CHP2: variants seen among roughly 807,000 people sequenced by gnomAD.
The protein encoded by CHP2 is calcineurin like EF-hand protein 2.
In CHP2, 31 loss-of-function variants were observed where a neutral mutation model predicts 24.7. The ratio of observed to expected loss-of-function variants is 1.26; its 90% CI spans 0.94 to 1.69. CHP2 has a LOEUF of 1.69. Ranked by LOEUF, CHP2 falls within the 40% of genes most tolerant of loss-of-function variation. CHP2 has a pLI of 0.00. For synonymous variants in CHP2, 97 were observed against 99.1 expected (o/e 0.98, Z 0.13); for missense variants, 319 against 261.5 (o/e 1.22, Z -1.52).
rs1961245536 is a variant in CHP2 at position 23,757,607 on chromosome 16, TC to T, written c.*26del. On this transcript the variant is annotated 3_prime_UTR_variant, in exon 7 of 7. Transcript: ENST00000300113. ...GACTCCGTTTGTGCCTTGGGCTTGC[TC>T]CTGCAACCAGTATCTCCTTGGAATT... The T allele has an allele frequency of 6.2e-7, 1 of 1,608,306 alleles. No individual in the cohort carries two copies. The highest frequency in any genetic ancestry group is 1.1e-5 in the South Asian group (1 of 90,948).
At position 23,757,721 on chromosome 16, in the gene CHP2, G is replaced by T; in HGVS notation, c.*138G>T. The stretch of plus-strand genomic sequence containing the variant: ...CTCTATTTAGGGCCAAGAGAAGAAA[G>T]CTGGAAGGATGTGTACTAAAGTCTA... On this transcript the variant is annotated 3_prime_UTR_variant, in exon 7 of 7. Coordinates refer to ENST00000300113, the MANE Select transcript of CHP2 (RefSeq NM_022097.4). The T allele has an allele frequency of 1.2e-6, 1 of 825,918 alleles. No individual in the cohort carries two copies. The highest frequency in any genetic ancestry group is 1.4e-5 in the South Asian group (1 of 70,662). The allele number at this position is 825,918 out of a possible 1,614,324, so 51.2% of individuals were successfully genotyped here. A position where few individuals can be genotyped will look rare whatever the true frequency, so the allele number is the denominator to read the frequency against.
intron 6 of CHP2, 79 bp from the exon 7 acceptor site, chr16:23,757,451 G>T (rs1402478879): frequency 6.3e-7 from 1 of 1,583,506 alleles, no homozygotes; most frequent in Non-Finnish European, 8.7e-7. Context: ...TCTGGAATGG[G>T]TAGAACCCTG....
Position 23,757,643 on chromosome 16 carries a change from C to G in CHP2, c.*60C>G, listed in dbSNP as rs534098372. On this transcript the variant is annotated 3_prime_UTR_variant, in exon 7 of 7. Coordinates refer to ENST00000300113, the MANE Select transcript of CHP2 (RefSeq NM_022097.4). ...GTATCTCCTTGGAATTCATCCAAAGCCCCCATGGACGCATGGACGCAGGGC... is the reference window on the plus strand; with the variant it reads ...GTATCTCCTTGGAATTCATCCAAAGGCCCCATGGACGCATGGACGCAGGGC... 1.4e-6 allele frequency: 2 copies of G among 1,411,020 alleles called. No homozygotes were observed. Among genetic ancestry groups the G allele is most frequent in the African/African-American group, 2.8e-5 (2 of 70,846 alleles). 87.4% of individuals were successfully genotyped at this position (1,411,020 alleles called of 1,614,324 possible).
rs1048080149 is a variant in CHP2, at chr16:23,755,919, C to T, written c.213C>T (p.Phe71=). The T allele has an allele frequency of 2.5e-5, 40 of 1,614,088 alleles. No individual in the cohort carries two copies. The highest frequency in any genetic ancestry group is 3.2e-5 in the Non-Finnish European group (38 of 1,180,052). Residue 71 remains phenylalanine, a synonymous_variant, in exon 3 of 7, where the codon TTC becomes TTT. Coordinates refer to ENST00000300113, the MANE Select transcript of CHP2 (RefSeq NM_022097.4). ...PLGDRIIESF[F]PDGSQRVDFP... ...GAGACCGAATTATAGAAAGCTTCTT[C>T]CCCGATGGGTGAGGCTTGCTGGGCG... is the stretch of plus-strand genomic sequence containing the variant.
Position 23,756,392 on chromosome 16 carries a change from A to G in CHP2, c.357A>G (p.Ala119=). ...LNSRRNKLHY[A]FQLYDLDRDG... The stretch of plus-strand genomic sequence containing the variant: ...CCCCTCCCACCCTCTCCCCAGATGC[A>G]TTTCAGCTCTATGACCTGGATCGCG... Residue 119 remains alanine, a synonymous_variant, in exon 5 of 7, where the codon GCA becomes GCG. Transcript: ENST00000300113. 1 of 1,613,620 alleles carries G rather than the reference A, an allele frequency of 6.2e-7. No individual in the cohort carries two copies. The highest frequency in any genetic ancestry group is 8.5e-7 in the Non-Finnish European group (1 of 1,179,716).
intron 5 of CHP2, 74 bp from the exon 6 acceptor site, chr16:23,757,127 G>T (rs1961236052): frequency 6.4e-7 from 1 of 1,566,614 alleles, no homozygotes; most frequent in African/African-American, 1.4e-5. Context: ...GGATGAGGTG[G>T]GCAAGGTTTA....
At position 23,757,783 on chromosome 16, in the gene CHP2, G is replaced by A; in HGVS notation, c.*200G>A. 1.6e-6 allele frequency: 1 copy of A among 614,786 alleles called. No individual in the cohort carries two copies. Among genetic ancestry groups the A allele is most frequent in the South Asian group, 1.9e-5 (1 of 52,632 alleles). 38.1% of individuals were successfully genotyped at this position (614,786 alleles called of 1,614,324 possible). A position where few individuals can be genotyped will look rare whatever the true frequency, so the allele number is the denominator to read the frequency against. On this transcript the variant is annotated 3_prime_UTR_variant, in exon 7 of 7. Coordinates refer to ENST00000300113, the MANE Select transcript of CHP2 (RefSeq NM_022097.4). ...CCCAACCTTTTTGGCATCAGGGACA[G>A]TTTTTCCACGGATGGGTGACAGGGG...
In CHP2 at chr16:23,757,958, TC is replaced by T; in HGVS notation, c.*378del. On this transcript the variant is annotated 3_prime_UTR_variant, in exon 7 of 7. Transcript: ENST00000300113. ...AGCTTGTTTTCCTGCAATTAGACGG[TC>T]CCATATGGGAGTGATGGGAGACAGT... 2.8e-6 allele frequency: 1 copy of T among 358,346 alleles called. No individual in the cohort carries two copies. The highest frequency in any genetic ancestry group is 5.3e-6 in the Non-Finnish European group (1 of 187,398). The allele number at this position is 358,346 out of a possible 1,614,324, so 22.2% of individuals were successfully genotyped here.
chr16:23,755,733 G>A lies in CHP2; in HGVS notation c.140G>A (p.Ser47Asn), dbSNP rs1007973161. Residue 47 changes from serine to asparagine, a missense_variant and splice_region_variant, in exon 2 of 7, where the codon AGC (serine) becomes AAC (asparagine). Coordinates refer to ENST00000300113, the MANE Select transcript of CHP2 (RefSeq NM_022097.4). Reference protein sequence around the residue: ...ALDRNKKGYLSRMDLQQIGAL... With the variant: ...ALDRNKKGYLNRMDLQQIGAL... ...GACAGGAATAAGAAGGGCTACCTGA[G>A]GTGAGGGGGAGCCGGCCTCATAACT... is the stretch of plus-strand genomic sequence containing the variant. 2.5e-6 allele frequency: 4 copies of A among 1,614,076 alleles called. No individual in the cohort carries two copies. Among genetic ancestry groups the A allele is most frequent in the African/African-American group, 2.7e-5 (2 of 74,944 alleles).
intron 4 of CHP2, 83 bp downstream of exon 4, chr16:23,756,276 C>T: frequency 6.3e-7 from 1 of 1,591,298 alleles, no homozygotes; most frequent in Non-Finnish European, 8.6e-7. Flanking sequence ...CACTCCCTTC[C>T]TGAGGGCATT....
At position 23,757,762 on chromosome 16, in the gene CHP2, A is replaced by G; in HGVS notation, c.*179A>G. The G allele has an allele frequency of 3.1e-6, 2 of 646,726 alleles. No individual in the cohort carries two copies. The highest frequency in any genetic ancestry group is 2.7e-5 in the East Asian group (1 of 36,676). 40.1% of individuals were successfully genotyped at this position (646,726 alleles called of 1,614,324 possible). The stretch of plus-strand genomic sequence containing the variant: ...CTAAAGTCTAGCTCAGCAGTCCCCA[A>G]CCTTTTTGGCATCAGGGACAGTTTT... On this transcript the variant is annotated 3_prime_UTR_variant, in exon 7 of 7. Coordinates refer to ENST00000300113, the MANE Select transcript of CHP2 (RefSeq NM_022097.4).
In CHP2 at chr16:23,758,311, C is replaced by T. The variant is rs1961255262; in HGVS notation, c.*728C>T. ...TCACTGAAAACCCAACTCAAAGTGA[C>T]TTAAGTCAGAAAGAAATTTTATGAA... On this transcript the variant is annotated 3_prime_UTR_variant, in exon 7 of 7. Coordinates refer to ENST00000300113, the MANE Select transcript of CHP2 (RefSeq NM_022097.4). The T allele has an allele frequency of 6.6e-6, 1 of 152,226 alleles. No homozygotes were observed. Among genetic ancestry groups the T allele is most frequent in the African/African-American group, 2.4e-5 (1 of 41,446 alleles). The allele number at this position is 152,226 out of a possible 1,614,324, so 9.4% of individuals were successfully genotyped here.
chr16:23,755,571 G>C, intron 1 of CHP2, 90 bp from the exon 2 acceptor site: 1 of 1,148,188 alleles, frequency 8.7e-7, no homozygotes, highest in South Asian at 1.2e-5. Flanking sequence ...AGCCCCCGCT[G>C]TTCTGGCCCA....
At position 23,758,723 on chromosome 16, in the gene CHP2, C is replaced by T. The variant is rs1173017391; in HGVS notation, c.*1140C>T. 1 of 152,178 alleles carries T rather than the reference C, an allele frequency of 6.6e-6. No homozygotes were observed. 9.4% of individuals were successfully genotyped at this position (152,178 alleles called of 1,614,324 possible). The stretch of plus-strand genomic sequence containing the variant: ...TTCAGGATGGGGTGAAAGGTGGTTG[C>T]TTAAAGGAAAATGAAATACAATTAG... On this transcript the variant is annotated 3_prime_UTR_variant, in exon 7 of 7. Coordinates refer to ENST00000300113, the MANE Select transcript of CHP2 (RefSeq NM_022097.4).
At chr16:23,756,909 A>G (rs1197686456) in intron 5 of CHP2, among the ~76,000 whole-genome samples, 1 of 151,946 alleles carries the variant, frequency 6.6e-6, no homozygotes, top group Non-Finnish European at 1.5e-5. Context: ...GGAATTAGAA[A>G]CCCTTAGTGG....
rs1214391885 is a variant in CHP2 at position 23,758,107 on chromosome 16, A to T, written c.*524A>T. 1 of 176,412 alleles carries T rather than the reference A, an allele frequency of 5.7e-6. No individual in the cohort carries two copies. Among genetic ancestry groups the T allele is most frequent in the East Asian group, 1.5e-4 (1 of 6,710 alleles). 10.9% of individuals were successfully genotyped at this position (176,412 alleles called of 1,614,324 possible). A position where few individuals can be genotyped will look rare whatever the true frequency, so the allele number is the denominator to read the frequency against. On this transcript the variant is annotated 3_prime_UTR_variant, in exon 7 of 7. Coordinates refer to ENST00000300113, the MANE Select transcript of CHP2 (RefSeq NM_022097.4). ...TGCCACTGCTGATCTGACAGGAGGC[A>T]GAGCTCAGGCGGTAATGCAAGCAAT...
At position 23,756,405 on chromosome 16, in the gene CHP2, G is replaced by A. The variant is rs776249507; in HGVS notation, c.370G>A (p.Asp124Asn). Reference sequence around the variant, plus strand: ...CTCCCCAGATGCATTTCAGCTCTATGACCTGGATCGCGATGGGAAGATCTC... The same window carrying A: ...CTCCCCAGATGCATTTCAGCTCTATAACCTGGATCGCGATGGGAAGATCTC... ...NKLHYAFQLY[D>N]LDRDGKISRH... Residue 124 changes from aspartate to asparagine, a missense_variant, in exon 5 of 7, where the codon GAC becomes AAC. Transcript: ENST00000300113. 1.9e-6 allele frequency: 3 copies of A among 1,613,526 alleles called. No homozygotes were observed. The highest frequency in any genetic ancestry group is 2.5e-6 in the Non-Finnish European group (3 of 1,179,580).
chr16:23,755,559 C>A (rs781487049), intron 1 of CHP2, 102 bp from the exon 2 acceptor site: 454 of 1,017,998 alleles, frequency 4.5e-4, no homozygotes, highest in Non-Finnish European at 6.3e-4. Flanking sequence ...CCCCTTCCAG[C>A]CAGCCCCCGC....
chr16:23,757,338 G>C lies in CHP2; in HGVS notation c.537+15G>C, dbSNP rs1290221408. ...AGTTCACCAAGGTCAGAGTGCCCTT[G>C]GGGATTGGGGAGTTGAGATCAGGAG... On this transcript the variant is annotated intron_variant, in intron 6 of 6. Coordinates refer to ENST00000300113, the MANE Select transcript of CHP2 (RefSeq NM_022097.4). 6.2e-7 allele frequency: 1 copy of C among 1,603,922 alleles called. No homozygotes were observed. The highest frequency in any genetic ancestry group is 1.3e-5 in the African/African-American group (1 of 74,612).
Sources: allele counts gnomAD v4.1 joint callset (sites outside exome capture counted in the v4.1 genomes callset), GRCh38; gene constraint gnomAD v4.1.1; transcripts MANE v1.5; gene names NCBI Gene and HGNC (gene_info 2026-07-23, HGNC 2026-07-21).